Variants in GRIN2B observed in about 807,000 individuals in gnomAD.
GRIN2B encodes glutamate receptor ionotropic, NMDA 2B.
GRIN2B carries 5 observed loss-of-function variants against 114.5 expected under a neutral mutation model. The ratio of observed to expected loss-of-function variants is 0.04; its 90% CI spans 0.02 to 0.09. The LOEUF (loss-of-function observed/expected upper bound fraction) is 0.09, where lower values mean the gene tolerates loss of function less well. Ranked by LOEUF, GRIN2B falls within the 10% of genes least tolerant of loss-of-function variation. The pLI, the probability that GRIN2B is intolerant of heterozygous loss-of-function variation, is 1.00. For missense variants in GRIN2B, 1,108 were observed against 1,943.5 expected (o/e 0.57, Z 8.08); for synonymous variants, 787 against 745.1 (o/e 1.06, Z -0.92).
intron 10 of GRIN2B, among the ~76,000 whole-genome samples, chr12:13,577,164 G>A (rs979428783): frequency 4.6e-5 from 7 of 152,162 alleles, no homozygotes; most frequent in East Asian, 1.9e-4. Context: ...TGTAAGTGGG[G>A]CCACATAGAG....
intron 2 of GRIN2B, among the ~76,000 whole-genome samples, chr12:13,931,634 A>G (rs1478836537): frequency 6.6e-6 from 1 of 152,188 alleles, no homozygotes; most frequent in Non-Finnish European, 1.5e-5. Flanking sequence ...CTCAAGATTC[A>G]AATGGATTTC....
chr12:13,929,132 A>C (rs1866972493), intron 2 of GRIN2B, among the ~76,000 whole-genome samples: 1 of 152,234 alleles, frequency 6.6e-6, no homozygotes, highest in South Asian at 2.1e-4. Context: ...GCTTTTATAG[A>C]TACTTAAATA....
intron 3 of GRIN2B, among the ~76,000 whole-genome samples, chr12:13,807,330 T>TA (rs1480374289): frequency 1.3e-5 from 2 of 152,134 alleles, no homozygotes; most frequent in East Asian, 3.9e-4. Flanking sequence ...TGTGGACAAT[T>TA]GCATAAAGTC....
chr12:13,741,538 T>TG (rs1863287056), intron 4 of GRIN2B, among the ~76,000 whole-genome samples: 1 of 152,186 alleles, frequency 6.6e-6, no homozygotes, highest in Admixed American at 6.5e-5. Flanking sequence ...TCAGGGGGTT[T>TG]GGGGTTTTTT....
At chr12:13,742,409 C>T (rs146581643) in intron 4 of GRIN2B, among the ~76,000 whole-genome samples, 82 of 152,244 alleles carry the variant, frequency 5.4e-4, no homozygotes, top group African/African-American at 1.8e-3. Context: ...TGGCCTTGGC[C>T]CTCTCTCACT....
intron 3 of GRIN2B, among the ~76,000 whole-genome samples, chr12:13,819,759 C>T (rs1194996510): frequency 1.3e-5 from 2 of 152,250 alleles, no homozygotes; most frequent in East Asian, 3.9e-4. Flanking sequence ...TATTTTAATG[C>T]TAAATAAACT....
At chr12:13,617,612 C>T (rs537322257) in intron 5 of GRIN2B, among the ~76,000 whole-genome samples, 1 of 152,224 alleles carries the variant, frequency 6.6e-6, no homozygotes, top group Non-Finnish European at 1.5e-5. Flanking sequence ...AGAGGGAACA[C>T]TTGCTTATTT....
At chr12:13,852,643 A>G (rs1400343253) in intron 3 of GRIN2B, among the ~76,000 whole-genome samples, 1 of 151,402 alleles carries the variant, frequency 6.6e-6, no homozygotes, top group African/African-American at 2.4e-5. Context: ...TTTAATCTTC[A>G]TAATAGTTCT....
intron 4 of GRIN2B, among the ~76,000 whole-genome samples, chr12:13,711,056 C>G (rs548265474): frequency 2.0e-5 from 3 of 152,060 alleles, no homozygotes; most frequent in East Asian, 3.9e-4. Flanking sequence ...CAGAACAGAG[C>G]CCTCAGAAAT....
chr12:13,564,268 C>A lies in GRIN2B; in HGVS notation c.2970G>T (p.Arg990=), dbSNP rs1948603619. 3 of 1,614,094 alleles carry A rather than the reference C, an allele frequency of 1.9e-6. No individual in the cohort carries two copies. The highest frequency in any genetic ancestry group is 2.5e-6 in the Non-Finnish European group (3 of 1,180,024). The change falls in exon 14 of 14, where the codon CGG becomes CGT. Residue 990 remains arginine, a synonymous_variant. Coordinates refer to ENST00000609686, the MANE Select transcript of GRIN2B (RefSeq NM_000834.5). This position sits in a 1 kb window ranked among gnomAD's most constrained non-coding sequence, Gnocchi z 4.8. ...VYQDHYHHHH[R]PHSIGSASSI... is the part of the protein sequence containing the mutation. ...AGCTGGCACTGCCAATACTATGGGGCCGGTGGTGATGGTGGTAGTGATCTT... is the reference window on the plus strand; with the variant it reads ...AGCTGGCACTGCCAATACTATGGGGACGGTGGTGATGGTGGTAGTGATCTT...
chr12:13,825,963 T>C (rs1865027588), intron 3 of GRIN2B, among the ~76,000 whole-genome samples: 1 of 151,938 alleles, frequency 6.6e-6, no homozygotes, highest in African/African-American at 2.4e-5. Flanking sequence ...ATATTATTAT[T>C]AATATGTTTG....
At chr12:13,885,997 G>A (rs1001816179) in intron 2 of GRIN2B, among the ~76,000 whole-genome samples, 5 of 152,086 alleles carry the variant, frequency 3.3e-5, no homozygotes, top group African/African-American at 4.8e-5. Flanking sequence ...TTCCACAAGC[G>A]CCCCAGATGA....
chr12:13,842,735 A>G (rs1044613768), intron 3 of GRIN2B, among the ~76,000 whole-genome samples: 1 of 152,160 alleles, frequency 6.6e-6, no homozygotes, highest in African/African-American at 2.4e-5. Context: ...TCTACAGTTC[A>G]TTATGGAAAT....
At chr12:13,614,998 G>A in intron 8 of GRIN2B, 116 bp downstream of exon 8, 1 of 907,972 alleles carries the variant, frequency 1.1e-6, no homozygotes, top group Non-Finnish European at 1.9e-6. Context: ...TGGCTGAGTT[G>A]AGCTCCTAGC....
chr12:13,847,980 T>G (rs1044172995), intron 3 of GRIN2B, among the ~76,000 whole-genome samples: 1 of 151,978 alleles, frequency 6.6e-6, no homozygotes, highest in Non-Finnish European at 1.5e-5. Flanking sequence ...TAGACAAAAT[T>G]CTCTCCAGGC....
intron 10 of GRIN2B, among the ~76,000 whole-genome samples, chr12:13,578,847 CGAGACCTGAATAATAAGA>C (rs892474456): frequency 7.4e-5 from 7 of 94,386 alleles, no homozygotes; most frequent in East Asian, 3.2e-4. Flanking sequence ...GCATCTGAAC[CGAGACCTGAATAATAAGA>C]AAGAACCAGA....
intron 3 of GRIN2B, among the ~76,000 whole-genome samples, chr12:13,857,111 G>C (rs1865674464): frequency 6.6e-6 from 1 of 152,194 alleles, no homozygotes; most frequent in Admixed American, 6.5e-5. Flanking sequence ...TGAGAGATGA[G>C]GAAGTGCAAA....
intron 10 of GRIN2B, among the ~76,000 whole-genome samples, chr12:13,573,749 A>T (rs1425367035): frequency 1.3e-5 from 2 of 152,190 alleles, no homozygotes; most frequent in Non-Finnish European, 2.9e-5. Flanking sequence ...ATTGCCTGGG[A>T]TTAGAAGTAA....
At chr12:13,632,331 T>C (rs1949621908) in intron 5 of GRIN2B, among the ~76,000 whole-genome samples, 1 of 152,198 alleles carries the variant, frequency 6.6e-6, no homozygotes, top group African/African-American at 2.4e-5. Context: ...CACTTGTAAA[T>C]AGAAAGTACA....
Sources: gnomAD v4.1 joint callset for allele counts (sites outside exome capture counted in the v4.1 genomes callset) on GRCh38, gnomAD v4.1.1 for gene constraint, Gnocchi (gnomAD v3.1) non-coding constraint, MANE v1.5 for transcripts, NCBI Gene and HGNC (gene_info 2026-07-23, HGNC 2026-07-21) for gene names.